The following SLC1A1 variants were observed in gnomAD, a reference collection of about 807,000 sequenced individuals.
SLC1A1 encodes the protein solute carrier family 1 member 1, also known as excitatory amino acid transporter 3.
Under a neutral mutation model 53.3 loss-of-function variants are expected in SLC1A1, and 43 were observed. The observed-to-expected ratio is 0.81, with a 90% CI of 0.63 to 1.04. The LOEUF is 1.04. SLC1A1 is among the 50% of genes least tolerant of loss of function. The pLI is 0.00. For missense variants in SLC1A1, 748 were observed against 664.9 expected (o/e 1.12, Z -1.37); for synonymous variants, 307 against 243.2 (o/e 1.26, Z -2.44).
At chr9:4,505,716 G>A (rs1332866519) in intron 1 of SLC1A1, among the ~76,000 whole-genome samples, 1 of 152,164 alleles carries the variant, frequency 6.6e-6, no homozygotes, top group African/African-American at 2.4e-5. Flanking sequence ...GAGGGCAGTG[G>A]CATGATCTTG....
At chr9:4,566,457 G>A (rs536628679) in intron 5 of SLC1A1, among the ~76,000 whole-genome samples, 1 of 152,286 alleles carries the variant, frequency 6.6e-6, no homozygotes, top group African/African-American at 2.4e-5. Context: ...CAGAAAAAAG[G>A]TAGCTCTCTA....
At position 4,567,749 on chromosome 9, in the gene SLC1A1, GACAA is replaced by G; in HGVS notation, c.565_568del (p.Thr189LeufsTer21). ...CAGAAGAGTCCTTCACAGCTGTCAT[GACAA>G]CTGCAATTTCCAAGGTACCATTCTT... On this transcript the variant is annotated frameshift_variant, in exon 6 of 12. Transcript: ENST00000262352. LOFTEE classifies it high-confidence loss of function. 6.2e-7 allele frequency: 1 copy of G among 1,608,718 alleles called. No homozygotes were observed. The highest frequency in any genetic ancestry group is 8.5e-7 in the Non-Finnish European group (1 of 1,175,336).
At chr9:4,561,684 G>T in intron 3 of SLC1A1, 143 bp downstream of exon 3, 1 of 719,038 alleles carries the variant, frequency 1.4e-6, no homozygotes, top group East Asian at 2.6e-5. Flanking sequence ...TTGAGGTCAG[G>T]GGTTTGAGAC....
In SLC1A1 at chr9:4,549,923, T is replaced by C. The variant is rs556158585; in HGVS notation, c.232+5216T>C. On this transcript the variant is annotated intron_variant, in intron 2 of 11. Transcript: ENST00000262352. The surrounding 1 kb of genome is among the most constrained non-coding windows in gnomAD (Gnocchi z 4.1). ...GGAGTTGCTCATTCCTAACCCTTCC[T>C]GTGATGTCGCAGCTCTGGATTTCCT... 3.3e-5 allele frequency among the ~76,000 whole-genome samples: 5 copies of C among 152,318 alleles called. No homozygotes were observed. Among genetic ancestry groups the C allele is most frequent in the African/African-American group, 1.2e-4 (5 of 41,572 alleles).
At chr9:4,526,555 A>C (rs796272640) in intron 1 of SLC1A1, among the ~76,000 whole-genome samples, 26 of 152,294 alleles carry the variant, frequency 1.7e-4, no homozygotes, top group African/African-American at 6.3e-4. Flanking sequence ...CCTCAACCAT[A>C]ATGTTTTATT....
chr9:4,528,359 T>A (rs1323482713), intron 1 of SLC1A1, among the ~76,000 whole-genome samples: 1 of 151,982 alleles, frequency 6.6e-6, no homozygotes, highest in Admixed American at 6.5e-5. Flanking sequence ...GATCACGGGG[T>A]CAGGAGATCA....
intron 6 of SLC1A1, 89 bp downstream of exon 6, chr9:4,567,856 C>A: frequency 1.1e-6 from 1 of 889,618 alleles, no homozygotes; most frequent in Non-Finnish European, 1.9e-6. Flanking sequence ...TCGTCATTCA[C>A]AGAATCGCAT....
intron 1 of SLC1A1, among the ~76,000 whole-genome samples, chr9:4,535,197 G>C (rs536081568): frequency 3.3e-5 from 5 of 152,298 alleles, no homozygotes; most frequent in African/African-American, 1.2e-4. Flanking sequence ...AGTGTTGGAA[G>C]TTCTGGCCAG....
At chr9:4,550,750 T>G (rs1817861092) in intron 2 of SLC1A1, among the ~76,000 whole-genome samples, 2 of 152,182 alleles carry the variant, frequency 1.3e-5, no homozygotes, top group South Asian at 4.1e-4. Context: ...TATTCAGTAT[T>G]TATTAAACAA....
At chr9:4,515,686 C>A (rs932405688) in intron 1 of SLC1A1, among the ~76,000 whole-genome samples, 1 of 152,338 alleles carries the variant, frequency 6.6e-6, no homozygotes, top group African/African-American at 2.4e-5. Flanking sequence ...GGTTTTCACT[C>A]CTAGAGTACT....
chr9:4,566,939 CTG>C (rs1231867840), intron 5 of SLC1A1, among the ~76,000 whole-genome samples: 1 of 152,240 alleles, frequency 6.6e-6, no homozygotes, highest in African/African-American at 2.4e-5. Context: ...AATGGCAACT[CTG>C]TTGCTCTCTG....
chr9:4,583,248 C>T lies in SLC1A1; in HGVS notation c.1328+76C>T. On this transcript the variant is annotated intron_variant, in intron 11 of 11. Transcript: ENST00000262352. The surrounding 1 kb of genome is among the most constrained non-coding windows in gnomAD (Gnocchi z 4.6). ...CAGCCTCGCAGGCGCTGCAGTCTGTCATCATTCTCTCCTCAGATTGCCTAA... is the reference window on the plus strand; with the variant it reads ...CAGCCTCGCAGGCGCTGCAGTCTGTTATCATTCTCTCCTCAGATTGCCTAA... 1 of 1,576,012 alleles carries T rather than the reference C, an allele frequency of 6.3e-7. No individual in the cohort carries two copies. Among genetic ancestry groups the T allele is most frequent in the Non-Finnish European group, 8.7e-7 (1 of 1,146,524 alleles).
chr9:4,517,770 G>A (rs1815909065), intron 1 of SLC1A1, among the ~76,000 whole-genome samples: 2 of 152,198 alleles, frequency 1.3e-5, no homozygotes, highest in Admixed American at 1.3e-4. Flanking sequence ...AGGCCACCAT[G>A]GACCCTCACT....
chr9:4,513,646 T>A (rs758759919), intron 1 of SLC1A1, among the ~76,000 whole-genome samples: 33 of 152,168 alleles, frequency 2.2e-4, no homozygotes, highest in Non-Finnish European at 1.5e-4. Flanking sequence ...ATTTGGCACT[T>A]TCTTATCACC....
rs1255428608 is a variant in SLC1A1, at chr9:4,553,955, T to C, written c.233-7494T>C. ...AATCAAGGCTGCAGAGATTTCCCTA[T>C]GCCCTGGATTAACAAAGTAAGATCA... On this transcript the variant is annotated intron_variant, in intron 2 of 11. Transcript: ENST00000262352. The C allele has an allele frequency of 5.3e-5, 8 of 152,230 alleles. 1 individual carries two copies. Among genetic ancestry groups the C allele is most frequent in the African/African-American group, 1.9e-4 (8 of 41,458 alleles). 9.4% of individuals were successfully genotyped at this position (152,230 alleles called of 1,614,324 possible).
At chr9:4,532,467 TG>T (rs1299889981) in intron 1 of SLC1A1, among the ~76,000 whole-genome samples, 1 of 152,022 alleles carries the variant, frequency 6.6e-6, no homozygotes, top group Admixed American at 6.5e-5. Context: ...GTATCAGTGA[TG>T]GAAGATGAAA....
At chr9:4,576,510 G>A in intron 9 of SLC1A1, 59 bp from the exon 10 acceptor site, 3 of 1,415,860 alleles carry the variant, frequency 2.1e-6, no homozygotes, top group South Asian at 1.2e-5. Flanking sequence ...CATGTCTTCA[G>A]GCAGGGACTA....
At chr9:4,512,678 A>G (rs184030044) in intron 1 of SLC1A1, among the ~76,000 whole-genome samples, 1 of 152,310 alleles carries the variant, frequency 6.6e-6, no homozygotes, top group East Asian at 1.9e-4. Context: ...CAAAAACTGC[A>G]ATTACTTTTG....
intron 1 of SLC1A1, among the ~76,000 whole-genome samples, chr9:4,497,990 T>G (rs1820497234): frequency 6.6e-6 from 1 of 152,222 alleles, no homozygotes; most frequent in Non-Finnish European, 1.5e-5. Context: ...AACAAAAGTC[T>G]GAAATTGATT....
Sources: allele counts gnomAD v4.1 joint callset (sites outside exome capture counted in the v4.1 genomes callset), GRCh38; gene constraint gnomAD v4.1.1; non-coding constraint Gnocchi (gnomAD v3.1); transcripts MANE v1.5; gene names NCBI Gene and HGNC (gene_info 2026-07-23, HGNC 2026-07-21).